The following KNTC1 variants were observed in gnomAD, a reference collection of about 807,000 sequenced individuals.
The protein encoded by KNTC1 is kinetochore-associated protein 1.
A neutral mutation model predicts 314.4 loss-of-function variants in KNTC1; 253 were observed. That is an observed-to-expected ratio of 0.80 (90% CI 0.73 to 0.89). The LOEUF (loss-of-function observed/expected upper bound fraction) is 0.89. Among genes scored for constraint, KNTC1 ranks in the 40% least tolerant of loss-of-function variants. The pLI is 0.00. For synonymous variants in KNTC1, 901 were observed against 901.4 expected, an observed-to-expected ratio of 1.00 and a Z score of 0.01; for missense variants, 2,475 against 2,572.9, an observed-to-expected ratio of 0.96 and a Z score of 0.82.
intron 36 of KNTC1, among the ~76,000 whole-genome samples, chr12:122,585,411 G>A (rs985850994): frequency 2.0e-5 from 3 of 152,058 alleles, no homozygotes; most frequent in Non-Finnish European, 4.4e-5. Flanking sequence ...ACCCTAGACC[G>A]GAAAACAACG....
chr12:122,547,340 A>G, intron 10 of KNTC1, 75 bp from the exon 11 acceptor site: 1 of 837,722 alleles, frequency 1.2e-6, no homozygotes, highest in Non-Finnish European at 2.0e-6. Context: ...GCACCATTGC[A>G]CTCCAGCCTG....
intron 19 of KNTC1, 29 bp from the exon 20 acceptor site, chr12:122,562,609 T>C: frequency 7.6e-7 from 1 of 1,311,192 alleles, no homozygotes; most frequent in Non-Finnish European, 1.1e-6. Flanking sequence ...TGCATATAAA[T>C]TCAGATTATT....
At chr12:122,529,031 A>AG (rs995741145) in intron 1 of KNTC1, among the ~76,000 whole-genome samples, 2 of 152,028 alleles carry the variant, frequency 1.3e-5, no homozygotes, top group African/African-American at 4.8e-5. Context: ...TTTAGTAGAG[A>AG]GGGGGTTTCG....
chr12:122,620,303 G>A (rs1362678630), intron 59 of KNTC1, 176 bp from the exon 60 acceptor site: 1 of 527,548 alleles, frequency 1.9e-6, no homozygotes. Context: ...TTTATTCTGT[G>A]TAGAGTGCTG....
At chr12:122,588,577 C>A in intron 39 of KNTC1, 135 bp from the exon 40 acceptor site, 1 of 640,862 alleles carries the variant, frequency 1.6e-6, no homozygotes, top group Non-Finnish European at 2.4e-6. Context: ...CCACCCCTTT[C>A]TAGCACTATA....
chr12:122,558,094 A>G (rs1408283852), intron 18 of KNTC1, among the ~76,000 whole-genome samples: 1 of 151,402 alleles, frequency 6.6e-6, no homozygotes, highest in Non-Finnish European at 1.5e-5. Flanking sequence ...TACTAAAAAT[A>G]AAAAAATTAG....
At chr12:122,620,058 A>G (rs1874258168) in intron 59 of KNTC1, 1 of 152,274 alleles carries the variant, frequency 6.6e-6, no homozygotes, top group African/African-American at 2.4e-5. Context: ...AATCCCAGCT[A>G]CTCAGGAAGC....
chr12:122,619,617 T>G (rs1031313802), intron 59 of KNTC1, among the ~76,000 whole-genome samples: 1 of 151,864 alleles, frequency 6.6e-6, no homozygotes, highest in Non-Finnish European at 1.5e-5. Flanking sequence ...TTTCTCCGTG[T>G]TAGCCAGGAT....
chr12:122,584,223 T>C, intron 34 of KNTC1, 55 bp from the exon 35 acceptor site: 1 of 1,249,068 alleles, frequency 8.0e-7, no homozygotes. Context: ...AGAAAGGCCA[T>C]GCGTTCACTT....
chr12:122,560,049 A>G (rs1963875089), intron 18 of KNTC1, among the ~76,000 whole-genome samples: 1 of 152,148 alleles, frequency 6.6e-6, no homozygotes, highest in African/African-American at 2.4e-5. Flanking sequence ...GTCTATGTAT[A>G]TAATTTTGAC....
At chr12:122,553,413 G>A (rs563799745) in intron 16 of KNTC1, among the ~76,000 whole-genome samples, 1 of 152,210 alleles carries the variant, frequency 6.6e-6, no homozygotes, top group South Asian at 2.1e-4. Context: ...CTAGCTGCTC[G>A]GGAGGCTGAG....
chr12:122,564,163 A>G (rs1230809926), intron 20 of KNTC1, among the ~76,000 whole-genome samples: 1 of 152,008 alleles, frequency 6.6e-6, no homozygotes, highest in Non-Finnish European at 1.5e-5. Context: ...TTTTTAGTAG[A>G]GACGGTGTTT....
chr12:122,618,940 G>A (rs1249325451), intron 59 of KNTC1, among the ~76,000 whole-genome samples: 6 of 151,508 alleles, frequency 4.0e-5, no homozygotes, highest in Non-Finnish European at 8.8e-5. Context: ...GCACCACCAC[G>A]CCCGGCTATT....
Position 122,575,839 on chromosome 12 carries a change from G to T in KNTC1, c.2526G>T (p.Met842Ile). 1 of 1,613,258 alleles carries T rather than the reference G, an allele frequency of 6.2e-7. No homozygotes were observed. The highest frequency in any genetic ancestry group is 1.1e-5 in the South Asian group (1 of 90,860). The change falls in exon 29 of 64, where the codon ATG becomes ATT. Residue 842 changes from methionine to isoleucine, a missense_variant. By Grantham distance (10) the Met-to-Ile change is conservative. Transcript: ENST00000333479. ...AGGAAAGTTACAAACTAATGGAGAT[G>T]AAAAAACTTTTACGAGGCTATGGAA... ...LLQESYKLME[M>I]KKLLRGYGIR...
Position 122,620,579 on chromosome 12 carries a change from C to T in KNTC1, c.6250C>T (p.His2084Tyr). Residue 2084 changes from histidine (H) to tyrosine (Y), a missense_variant, in exon 60 of 64, where the codon CAC becomes TAC. His to Tyr is a moderately conservative substitution (Grantham distance 83). Transcript: ENST00000333479. ...FALACLMLMP[H>Y]SEKRHQQIKN... ...ATTAGCTTGTCTGATGCTCATGCCC[C>T]ACTCAGAGAAAAGACACCAGCAAAT... 6.2e-7 allele frequency: 1 copy of T among 1,613,662 alleles called. No individual in the cohort carries two copies. The highest frequency in any genetic ancestry group is 8.5e-7 in the Non-Finnish European group (1 of 1,179,688).
chr12:122,609,354 T>G (rs1388672604), intron 51 of KNTC1, 30 bp from the exon 52 acceptor site: 2 of 1,463,560 alleles, frequency 1.4e-6, no homozygotes, highest in East Asian at 4.6e-5. Context: ...CTTTTTCAGT[T>G]TTTGACCTTT....
rs1869409310 is a variant in KNTC1 at position 122,586,836 on chromosome 12, A to G, written c.3730+79A>G. 6.7e-6 allele frequency: 3 copies of G among 448,286 alleles called. No homozygotes were observed. In the Admixed American group the frequency reaches 1.6e-4, roughly 24 times the overall value. The allele number at this position is 448,286 out of a possible 1,614,324, so 27.8% of individuals were successfully genotyped here. A position where few individuals can be genotyped will look rare whatever the true frequency, so the allele number is the denominator to read the frequency against. Reference sequence around the variant, plus strand: ...TTTATTTATTTTATTTTTTTGAGACAGAGTCTTGCTCTGTTGCCCAGGCTG... The same window carrying G: ...TTTATTTATTTTATTTTTTTGAGACGGAGTCTTGCTCTGTTGCCCAGGCTG... On this transcript the variant is annotated intron_variant, in intron 38 of 63. Coordinates refer to ENST00000333479, the MANE Select transcript of KNTC1 (RefSeq NM_014708.6).
At chr12:122,610,124 G>A (rs1451016247) in intron 52 of KNTC1, among the ~76,000 whole-genome samples, 4 of 152,182 alleles carry the variant, frequency 2.6e-5, no homozygotes, top group Admixed American at 2.6e-4. Flanking sequence ...TTTGGAACAA[G>A]CAAAGCTGTC....
intron 20 of KNTC1, among the ~76,000 whole-genome samples, chr12:122,565,536 T>A (rs1964273958): frequency 6.6e-6 from 1 of 151,860 alleles, no homozygotes. Context: ...TTACAAAAAA[T>A]TCAGAAGTTT....
Sources: allele counts gnomAD v4.1 joint callset (sites outside exome capture counted in the v4.1 genomes callset), GRCh38; gene constraint gnomAD v4.1.1; transcripts MANE v1.5; gene names NCBI Gene and HGNC (gene_info 2026-07-23, HGNC 2026-07-21).